HIF1A: variants seen among roughly 807,000 people sequenced by gnomAD.
The protein encoded by HIF1A is hypoxia-inducible factor 1-alpha.
A neutral mutation model predicts 92.7 loss-of-function variants in HIF1A; 24 were observed. The ratio of observed to expected loss-of-function variants is 0.26; its 90% CI spans 0.19 to 0.36. HIF1A has a LOEUF of 0.36. HIF1A is among the 10% of genes least tolerant of loss of function. The pLI, the probability that HIF1A is intolerant of heterozygous loss-of-function variation, is 1.00. For synonymous variants in HIF1A, 319 were observed against 338.7 expected, an observed-to-expected ratio of 0.94 and a Z score of 0.64; for missense variants, 799 against 998.5, an observed-to-expected ratio of 0.80 and a Z score of 2.69.
chr14:61,726,850 A>G, intron 5 of HIF1A, 32 bp downstream of exon 5: 1 of 1,236,814 alleles, frequency 8.1e-7, no homozygotes, highest in Non-Finnish European at 1.2e-6. Context: ...TTGATTATAC[A>G]CTTTATTTAT....
At chr14:61,714,059 A>G (rs2053963961) in intron 1 of HIF1A, among the ~76,000 whole-genome samples, 1 of 152,208 alleles carries the variant, frequency 6.6e-6, no homozygotes, top group Non-Finnish European at 1.5e-5. Flanking sequence ...TTCCAAAACA[A>G]TAGGAGATTA....
chr14:61,721,405 TA>T, intron 2 of HIF1A, 103 bp from the exon 3 acceptor site: 1 of 904,250 alleles, frequency 1.1e-6, no homozygotes, highest in Non-Finnish European at 1.7e-6. Flanking sequence ...CTGTATATAT[TA>T]AATAAAGTGT....
chr14:61,734,240 A>G lies in HIF1A; in HGVS notation c.983A>G (p.Lys328Arg). 6.2e-7 allele frequency: 1 copy of G among 1,613,380 alleles called. No homozygotes were observed. Among genetic ancestry groups the G allele is most frequent in the South Asian group, 1.1e-5 (1 of 91,012 alleles). ...ETQATVIYNT[K>R]NSQPQCIVCV... ...CAAGCAACTGTCATATATAACACCA[A>G]GAATTCTCAACCACAGTGCATTGTA... is the stretch of plus-strand genomic sequence containing the variant. The change falls in exon 8 of 15, where the codon AAG becomes AGG. Residue 328 changes from lysine (K) to arginine (R), a missense_variant. This residue lies in a region of HIF1A where 516 missense variants were observed against 721.0 expected (regional missense o/e 0.72). Coordinates refer to ENST00000337138, the MANE Select transcript of HIF1A (RefSeq NM_001530.4).
chr14:61,706,997 A>G (rs2044245834), intron 1 of HIF1A, among the ~76,000 whole-genome samples: 1 of 152,202 alleles, frequency 6.6e-6, no homozygotes, highest in Non-Finnish European at 1.5e-5. Context: ...CTAAGTTCTA[A>G]GTATGTGGTG....
At chr14:61,716,680 A>G (rs938095341) in intron 1 of HIF1A, among the ~76,000 whole-genome samples, 1 of 152,186 alleles carries the variant, frequency 6.6e-6, no homozygotes, top group Non-Finnish European at 1.5e-5. Flanking sequence ...GACATTCTCT[A>G]TAAAACAACT....
chr14:61,707,574 G>A (rs2044254659), intron 1 of HIF1A, among the ~76,000 whole-genome samples: 1 of 151,414 alleles, frequency 6.6e-6, no homozygotes, highest in South Asian at 2.1e-4. Context: ...TTTTGTCCTT[G>A]CGATAGTTTG....
In HIF1A at chr14:61,721,534, G is replaced by C. The variant is rs747613136; in HGVS notation, c.252G>C (p.Met84Ile). 6.2e-7 allele frequency: 1 copy of C among 1,613,110 alleles called. No homozygotes were observed. Among genetic ancestry groups the C allele is most frequent in the Non-Finnish European group, 8.5e-7 (1 of 1,179,316 alleles). ...GTGATTTGGATATTGAAGATGACATGAAAGCACAGATGAATTGCTTTTATT... is the reference window on the plus strand; with the variant it reads ...GTGATTTGGATATTGAAGATGACATCAAAGCACAGATGAATTGCTTTTATT... ...DAGDLDIEDD[M>I]KAQMNCFYLK... is the part of the protein sequence containing the mutation. The change falls in exon 3 of 15, where the codon ATG becomes ATC. Residue 84 changes from methionine to isoleucine, a missense_variant. Physicochemically the swap from Met to Ile is conservative, Grantham distance 10. Transcript: ENST00000337138.
chr14:61,742,633 C>G (rs1429092459), intron 12 of HIF1A, among the ~76,000 whole-genome samples: 1 of 152,062 alleles, frequency 6.6e-6, no homozygotes, highest in Admixed American at 6.6e-5. Context: ...TCACTGTAAT[C>G]TCAGCACTTT....
chr14:61,696,889 T>C (rs1162852471), intron 1 of HIF1A, among the ~76,000 whole-genome samples: 1 of 152,202 alleles, frequency 6.6e-6, no homozygotes, highest in Non-Finnish European at 1.5e-5. Flanking sequence ...TAAATCACCT[T>C]GAAGTTTGAG....
chr14:61,732,983 T>C (rs2044594425), intron 7 of HIF1A, among the ~76,000 whole-genome samples: 1 of 152,222 alleles, frequency 6.6e-6, no homozygotes. Context: ...TATTTTGATA[T>C]AGGCATGCAG....
Position 61,695,631 on chromosome 14 carries a change from AC to A in HIF1A, c.-170del. The A allele has an allele frequency of 1.5e-6, 1 of 673,870 alleles. No homozygotes were observed. Among genetic ancestry groups the A allele is most frequent in the South Asian group, 1.9e-5 (1 of 52,886 alleles). 41.7% of individuals were successfully genotyped at this position (673,870 alleles called of 1,614,324 possible). A position where few individuals can be genotyped will look rare whatever the true frequency, so the allele number is the denominator to read the frequency against. ...AGGAGAGGCTCGGAGCCGGGCCCGGACCCCGGCGATTGCCGCCCGCTTCTCT... is the reference window on the plus strand; with the variant it reads ...AGGAGAGGCTCGGAGCCGGGCCCGGACCCGGCGATTGCCGCCCGCTTCTCT... On this transcript the variant is annotated 5_prime_UTR_variant, in exon 1 of 15. Transcript: ENST00000337138.
At chr14:61,705,710 A>T (rs2044231100) in intron 1 of HIF1A, among the ~76,000 whole-genome samples, 1 of 152,228 alleles carries the variant, frequency 6.6e-6, no homozygotes, top group African/African-American at 2.4e-5. Flanking sequence ...TCTGCCACAC[A>T]CTAATAGTGT....
At chr14:61,741,272 T>G (rs978764308) in intron 12 of HIF1A, 84 bp downstream of exon 12, 2 of 1,016,228 alleles carry the variant, frequency 2.0e-6, no homozygotes, top group Non-Finnish European at 2.9e-6. Context: ...TTTAAACTTA[T>G]AGCAAACTTT....
intron 1 of HIF1A, among the ~76,000 whole-genome samples, chr14:61,703,056 T>C (rs1234252098): frequency 3.9e-5 from 6 of 152,200 alleles, no homozygotes; most frequent in Admixed American, 1.3e-4. Context: ...ATAGTCTGTT[T>C]TACCATTACT....
intron 1 of HIF1A, chr14:61,697,674 A>G: frequency 8.2e-7 from 1 of 1,225,154 alleles, no homozygotes; most frequent in Non-Finnish European, 1.0e-6. Flanking sequence ...CTTAGTATAG[A>G]AGTTCTTGAT....
At chr14:61,719,583 G>A (rs1302776925) in intron 1 of HIF1A, among the ~76,000 whole-genome samples, 1 of 152,190 alleles carries the variant, frequency 6.6e-6, no homozygotes, top group Non-Finnish European at 1.5e-5. Flanking sequence ...TTAAGCAAAG[G>A]AAGACAGCTT....
intron 4 of HIF1A, among the ~76,000 whole-genome samples, chr14:61,723,652 A>G (rs749027763): frequency 6.6e-6 from 1 of 152,224 alleles, no homozygotes; most frequent in Non-Finnish European, 1.5e-5. Context: ...TGAGTTTAAT[A>G]TATGAGTTCT....
At chr14:61,719,026 A>G (rs780494370) in intron 1 of HIF1A, among the ~76,000 whole-genome samples, 3 of 152,252 alleles carry the variant, frequency 2.0e-5, no homozygotes, top group African/African-American at 7.2e-5. Context: ...TTGTAACAAG[A>G]GCATTTGCTG....
Position 61,744,773 on chromosome 14 carries a change from A to C in HIF1A, c.2162A>C (p.Lys721Thr). The change falls in exon 13 of 15, where the codon AAA becomes ACA. Residue 721 changes from lysine (K) to threonine (T), a missense_variant. Coordinates refer to ENST00000337138, the MANE Select transcript of HIF1A (RefSeq NM_001530.4). ...LALQNAQRKR[K>T]MEHDGSLFQA... ...TTGCAGAATGCTCAGAGAAAGCGAA[A>C]AATGGAACATGATGGTTCACTTTTT... 6.2e-7 allele frequency: 1 copy of C among 1,600,138 alleles called. No individual in the cohort carries two copies. The highest frequency in any genetic ancestry group is 8.5e-7 in the Non-Finnish European group (1 of 1,169,606).
Sources: gnomAD v4.1 joint callset for allele counts (sites outside exome capture counted in the v4.1 genomes callset) on GRCh38, gnomAD v4.1.1 for gene constraint, gnomAD v4.1.1 regional missense constraint, MANE v1.5 for transcripts, NCBI Gene and HGNC (gene_info 2026-07-23, HGNC 2026-07-21) for gene names.